HSDL2: variants seen among roughly 807,000 people sequenced by gnomAD.
The protein encoded by HSDL2 is hydroxysteroid dehydrogenase like 2.
In HSDL2, 27 loss-of-function variants were observed where a neutral mutation model predicts 46.3. The observed-to-expected ratio is 0.58, with a 90% CI of 0.43 to 0.80. The LOEUF is 0.80. Ranked by LOEUF, HSDL2 falls within the 30% of genes least tolerant of loss-of-function variation. The pLI, the probability that HSDL2 is intolerant of heterozygous loss-of-function variation, is 0.00. For missense variants in HSDL2, 451 were observed against 502.7 expected (o/e 0.90, Z 0.98); for synonymous variants, 153 against 163.6 (o/e 0.94, Z 0.50).
intron 6 of HSDL2, among the ~76,000 whole-genome samples, chr9:112,430,487 C>T (rs956203233): frequency 5.3e-5 from 8 of 152,126 alleles, no homozygotes; most frequent in African/African-American, 1.9e-4. Flanking sequence ...TTCAGGTTTT[C>T]AAGCAGAGAA....
chr9:112,410,006 A>C lies in HSDL2; in HGVS notation c.395+985A>C, dbSNP rs113033590. Among the ~76,000 whole-genome samples, 549 of 152,210 alleles carry C rather than the reference A, an allele frequency of 3.6e-3. 4 individuals carry two copies. The highest frequency in any genetic ancestry group is 0.013 in the African/African-American group (521 of 41,530). ...AGCCAGCAATAGTCTCCTTCCTCTG[A>C]AAAAGACCTGGCGTTAAAAAAAAAA... On this transcript the variant is annotated intron_variant, in intron 4 of 10. Transcript: ENST00000398805.
intron 1 of HSDL2, among the ~76,000 whole-genome samples, chr9:112,392,423 G>A (rs932047673): frequency 3.3e-5 from 5 of 152,152 alleles, no homozygotes; most frequent in African/African-American, 7.2e-5. Flanking sequence ...AAGCCTGAGG[G>A]CACTGCAGGA....
intron 5 of HSDL2, among the ~76,000 whole-genome samples, chr9:112,418,398 C>T (rs535353744): frequency 4.0e-5 from 6 of 151,530 alleles, no homozygotes; most frequent in Admixed American, 6.6e-5. Context: ...GGCTGGGCAA[C>T]GTGCAAAACC....
rs147915362 is a variant in HSDL2, at chr9:112,465,270, A to G, written c.1145-5162A>G. Among the ~76,000 whole-genome samples the G allele has an allele frequency of 3.4e-3, 521 of 152,240 alleles. 26 individuals are homozygous for G. The East Asian group carries it at 0.094, about 27-fold the overall frequency. ...CAGTCTCCTGGGTAGCTGGGATTAC[A>G]GGAGCCCACTACCACGCCTGGCTAA... On this transcript the variant is annotated intron_variant, in intron 10 of 10. Transcript: ENST00000398805.
intron 8 of HSDL2, 30 bp from the exon 9 acceptor site, chr9:112,453,983 A>C: frequency 6.2e-7 from 1 of 1,603,364 alleles, no homozygotes; most frequent in African/African-American, 1.3e-5. Flanking sequence ...GCCAAGCATT[A>C]AGGTCATTTG....
chr9:112,455,886 A>C (rs917840708), intron 9 of HSDL2, among the ~76,000 whole-genome samples: 1 of 152,120 alleles, frequency 6.6e-6, no homozygotes, highest in African/African-American at 2.4e-5. Flanking sequence ...CTTCCCTCTT[A>C]GTAGAATGGA....
intron 1 of HSDL2, among the ~76,000 whole-genome samples, chr9:112,385,463 G>T (rs1186410990): frequency 1.4e-5 from 2 of 143,228 alleles, no homozygotes; most frequent in Non-Finnish European, 3.0e-5. Flanking sequence ...AGAGTAGCTG[G>T]AATTACAGGC....
chr9:112,454,688 CT>C lies in HSDL2; in HGVS notation c.1015+533del, dbSNP rs199896808. On this transcript the variant is annotated intron_variant, in intron 9 of 10. Coordinates refer to ENST00000398805, the MANE Select transcript of HSDL2 (RefSeq NM_032303.5). ...TCTGACGGTAGTCAGCTTTTTTTCA[CT>C]TTTTTTATTTTTAAAAATTTATAAT... 7.4e-3 allele frequency among the ~76,000 whole-genome samples: 1,121 copies of C among 152,050 alleles called. 17 individuals are homozygous for C. Among genetic ancestry groups the C allele is most frequent in the African/African-American group, 0.025 (1,040 of 41,484 alleles).
At chr9:112,448,780 C>T (rs1374701774) in intron 8 of HSDL2, among the ~76,000 whole-genome samples, 1 of 151,986 alleles carries the variant, frequency 6.6e-6, no homozygotes, top group Non-Finnish European at 1.5e-5. Context: ...TGGTCTCGAT[C>T]TCCTGACTTC....
rs939708863 is a variant in HSDL2, at chr9:112,380,140, C to A, written c.-24C>A. The stretch of plus-strand genomic sequence containing the variant: ...TGCTCGCCGCCGCCGCTGTCGCCGC[C>A]ACCTCCTCTGATCTACGAAAGTCAT... On this transcript the variant is annotated 5_prime_UTR_variant, in exon 1 of 11. Coordinates refer to ENST00000398805, the MANE Select transcript of HSDL2 (RefSeq NM_032303.5). 3 of 1,563,886 alleles carry A rather than the reference C, an allele frequency of 1.9e-6. No homozygotes were observed. In the African/African-American group the frequency reaches 4.1e-5, roughly 21 times the overall value.
rs912782686 is a variant in HSDL2 at position 112,431,069 on chromosome 9, A to T, written c.599-7362A>T. Among the ~76,000 whole-genome samples, 65 of 151,666 alleles carry T rather than the reference A, an allele frequency of 4.3e-4. 1 individual carries two copies. The highest frequency in any genetic ancestry group is 1.6e-3 in the Admixed American group (25 of 15,206). ...TCCAACTCAAAAAAAAAAAAAAAAAAAAATTTAAAAAAAATAAAGATTTCT... is the reference window on the plus strand; with the variant it reads ...TCCAACTCAAAAAAAAAAAAAAAAATAAATTTAAAAAAAATAAAGATTTCT... On this transcript the variant is annotated intron_variant, in intron 6 of 10. Coordinates refer to ENST00000398805, the MANE Select transcript of HSDL2 (RefSeq NM_032303.5).
chr9:112,456,629 A>T (rs1318903267), intron 9 of HSDL2, among the ~76,000 whole-genome samples: 1 of 152,022 alleles, frequency 6.6e-6, no homozygotes, highest in Non-Finnish European at 1.5e-5. Context: ...CCAACCATTC[A>T]CGCGGCTTCA....
chr9:112,450,976 G>A (rs1832873409), intron 8 of HSDL2, among the ~76,000 whole-genome samples: 1 of 151,932 alleles, frequency 6.6e-6, no homozygotes, highest in African/African-American at 2.4e-5. Flanking sequence ...TGAGGCGGGT[G>A]GATCGTTTGA....
rs1257140202 is a variant in HSDL2 at position 112,441,842 on chromosome 9, T to G, written c.865+72T>G. 4.0e-6 allele frequency: 4 copies of G among 988,726 alleles called. No individual in the cohort carries two copies. The East Asian group carries it at 1.0e-4, about 25-fold the overall frequency. The allele number at this position is 988,726 out of a possible 1,614,324, so 61.2% of individuals were successfully genotyped here. ...TATGTATTTCTTCCAAAATATGGAA[T>G]TGATCCTATAACAGTGACATTTCTG... On this transcript the variant is annotated intron_variant, in intron 8 of 10. Coordinates refer to ENST00000398805, the MANE Select transcript of HSDL2 (RefSeq NM_032303.5).
rs111459650 is a variant in HSDL2, at chr9:112,381,088, T to TACACACACACACACACACACACAC, written c.17+914_17+937dup. Among the ~76,000 whole-genome samples the TACACACACACACACACACACACAC allele has an allele frequency of 3.5e-3, 467 of 134,228 alleles. 4 individuals are homozygous for TACACACACACACACACACACACAC. The highest frequency in any genetic ancestry group is 4.5e-3 in the African/African-American group (158 of 34,992). The allele number at this position is 134,228 out of a possible 152,430, so 88.1% of individuals were successfully genotyped here. On this transcript the variant is annotated intron_variant, in intron 1 of 10. Transcript: ENST00000398805. ...TGAACATAATTTGTATACATCCGGA[T>TACACACACACACACACACACACAC]ACACACACACACACACACACACACA...
Position 112,472,391 on chromosome 9 carries a change from C to T in HSDL2, c.*1847C>T, listed in dbSNP as rs1454997100. 6.6e-6 allele frequency: 1 copy of T among 152,160 alleles called. No individual in the cohort carries two copies. The highest frequency in any genetic ancestry group is 1.5e-5 in the Non-Finnish European group (1 of 68,032). The allele number at this position is 152,160 out of a possible 1,614,324, so 9.4% of individuals were successfully genotyped here. A position where few individuals can be genotyped will look rare whatever the true frequency, so the allele number is the denominator to read the frequency against. The stretch of plus-strand genomic sequence containing the variant: ...CCAGTTCATGAATCGCTAATAAAAG[C>T]CAATTAGATCTTTACATAATTTGTT... On this transcript the variant is annotated 3_prime_UTR_variant, in exon 11 of 11. Coordinates refer to ENST00000398805, the MANE Select transcript of HSDL2 (RefSeq NM_032303.5).
intron 3 of HSDL2, among the ~76,000 whole-genome samples, chr9:112,406,532 G>A (rs536625579): frequency 3.3e-5 from 5 of 151,710 alleles, no homozygotes; most frequent in East Asian, 3.9e-4. Flanking sequence ...GTGCAGTGGC[G>A]CAATCTCGGC....
chr9:112,404,693 C>T (rs1831686362), intron 2 of HSDL2, among the ~76,000 whole-genome samples: 1 of 152,272 alleles, frequency 6.6e-6, no homozygotes, highest in African/African-American at 2.4e-5. Flanking sequence ...TGCAAGTCAT[C>T]ATTTTAATAC....
At chr9:112,432,677 T>G (rs1157985782) in intron 6 of HSDL2, among the ~76,000 whole-genome samples, 1 of 152,216 alleles carries the variant, frequency 6.6e-6, no homozygotes, top group East Asian at 1.9e-4. Context: ...GAGCCAGTGA[T>G]GTTATTTGGT....
Sources: gnomAD v4.1 joint callset for allele counts (sites outside exome capture counted in the v4.1 genomes callset) on GRCh38, gnomAD v4.1.1 for gene constraint, MANE v1.5 for transcripts, NCBI Gene and HGNC (gene_info 2026-07-23, HGNC 2026-07-21) for gene names.